Variants in ABI3BP observed in about 807,000 individuals in gnomAD.
The protein encoded by ABI3BP is ABI family member 3 binding protein.
A neutral mutation model predicts 268.6 loss-of-function variants in ABI3BP; 216 were observed. That is an observed-to-expected ratio of 0.80 (90% CI 0.72 to 0.90). ABI3BP has a LOEUF of 0.90. Among genes scored for constraint, ABI3BP ranks in the 40% least tolerant of loss-of-function variants. The pLI is 0.00. For synonymous variants in ABI3BP, 730 were observed against 730.0 expected (o/e 1.00, Z 0.00); for missense variants, 2,090 against 2,182.4 (o/e 0.96, Z 0.84).
At chr3:100,989,035 G>C (rs2092468662) in intron 1 of ABI3BP, among the ~76,000 whole-genome samples, 1 of 152,186 alleles carries the variant, frequency 6.6e-6, no homozygotes, top group African/African-American at 2.4e-5. Context: ...AGTATTAGGA[G>C]CTGAGACCTT....
At chr3:100,846,324 G>T in intron 20 of ABI3BP, 48 bp downstream of exon 20, 1 of 1,278,286 alleles carries the variant, frequency 7.8e-7, no homozygotes, top group Non-Finnish European at 1.1e-6. Flanking sequence ...CAAAGAACTT[G>T]TTTTCAACCC....
rs72928695 is a variant in ABI3BP at position 100,749,598 on chromosome 3, A to G, written c.*897T>C. The G allele has an allele frequency of 2.3e-3, 929 of 398,276 alleles. 9 individuals carry two copies. The highest frequency in any genetic ancestry group is 0.017 in the African/African-American group (841 of 48,660). 24.7% of individuals were successfully genotyped at this position (398,276 alleles called of 1,614,324 possible). A position where few individuals can be genotyped will look rare whatever the true frequency, so the allele number is the denominator to read the frequency against. The stretch of plus-strand genomic sequence containing the variant: ...GACATTCTCTGATACATTCATTCAT[A>G]GAGGTCTTAACGTATAAATACATAG... On this transcript the variant is annotated 3_prime_UTR_variant, in exon 68 of 68. Transcript: ENST00000471714.
chr3:100,815,112 C>T (rs1383786364), intron 44 of ABI3BP, among the ~76,000 whole-genome samples: 1 of 151,994 alleles, frequency 6.6e-6, no homozygotes, highest in Non-Finnish European at 1.5e-5. Context: ...TGGAATAACC[C>T]CTATTCATCC....
chr3:100,775,240 G>A lies in ABI3BP; in HGVS notation c.4429C>T (p.Gln1477Ter). ...PLERIETDIKQPTVPASGEEL... is the reference protein window; with the variant it reads ...PLERIETDIK ...TCTCCAGAGGCAGGAACTGTTGGTT[G>A]CTTTATATCTGTCTCTATTCTCTCC... Residue 1477 changes from glutamine to a stop codon, truncating the protein, a stop_gained, in exon 60 of 68, where the codon CAA (glutamine) becomes TAA (stop). Coordinates refer to ENST00000471714, the MANE Select transcript of ABI3BP (RefSeq NM_001375547.2). LOFTEE classifies it high-confidence loss of function. 1.9e-6 allele frequency: 3 copies of A among 1,612,116 alleles called. No homozygotes were observed. The highest frequency in any genetic ancestry group is 2.5e-6 in the Non-Finnish European group (3 of 1,179,110).
chr3:100,815,908 T>C lies in ABI3BP; in HGVS notation c.3289+4A>G, dbSNP rs1229909384. ...CATTTAATGCAAGTCACAAAAATCA[T>C]TACCAAATGTTGTTCCTGGAGCATC... On this transcript the variant is annotated splice_donor_region_variant and intron_variant, in intron 44 of 67. Transcript: ENST00000471714. The C allele has an allele frequency of 6.6e-7, 1 of 1,520,508 alleles. No homozygotes were observed. The highest frequency in any genetic ancestry group is 1.2e-5 in the South Asian group (1 of 80,480). The allele number at this position is 1,520,508 out of a possible 1,614,324, so 94.2% of individuals were successfully genotyped here.
At chr3:100,778,713 TAAC>T in intron 58 of ABI3BP, 2 of 236,762 alleles carry the variant, frequency 8.4e-6, no homozygotes, top group Non-Finnish European at 1.6e-5. Context: ...ACAATAAAAA[TAAC>T]AATACAACAA....
chr3:100,753,924 G>A, intron 64 of ABI3BP, 76 bp from the exon 65 acceptor site: 1 of 1,417,056 alleles, frequency 7.1e-7, no homozygotes, highest in Non-Finnish European at 9.8e-7. Flanking sequence ...TGAAGATGAT[G>A]GGGGCTTACA....
Position 100,770,868 on chromosome 3 carries a change from G to T in ABI3BP, c.4616C>A (p.Ala1539Asp), listed in dbSNP as rs771909888. 3 of 1,604,750 alleles carry T rather than the reference G, an allele frequency of 1.9e-6. No homozygotes were observed. The South Asian group carries it at 3.4e-5, about 18-fold the overall frequency. The part of the protein sequence containing the change: ...DSVKRFPKEE[A>D]TEGNATSPPQ... The stretch of plus-strand genomic sequence containing the variant: ...TGGGCTGGTGGCATTCCCCTCTGTG[G>T]CCTCCTCTTTGGGGAACCGTTTGAC... The change falls in exon 62 of 68, where the codon GCC becomes GAC. Residue 1539 changes from alanine (A) to aspartate (D), a missense_variant. Ala to Asp is a moderately radical substitution (Grantham distance 126). Transcript: ENST00000471714.
chr3:100,844,741 G>A (rs1163995306), intron 20 of ABI3BP, among the ~76,000 whole-genome samples: 4 of 152,198 alleles, frequency 2.6e-5, no homozygotes, highest in African/African-American at 7.2e-5. Flanking sequence ...ACAGGCCTAG[G>A]TGTGGATTCT....
chr3:100,794,447 G>A (rs2097284262), intron 54 of ABI3BP, among the ~76,000 whole-genome samples: 1 of 151,860 alleles, frequency 6.6e-6, no homozygotes, highest in Admixed American at 6.6e-5. Context: ...TTATAACCAA[G>A]TCCTGTCTTC....
At chr3:100,871,750 G>T (rs56318436) in intron 9 of ABI3BP, among the ~76,000 whole-genome samples, 3 of 152,034 alleles carry the variant, frequency 2.0e-5, no homozygotes, top group Non-Finnish European at 2.9e-5. Flanking sequence ...CCAGTCTCGG[G>T]TATATCTTTA....
At chr3:100,825,900 T>C in intron 34 of ABI3BP, 56 bp from the exon 35 acceptor site, 1 of 1,287,332 alleles carries the variant, frequency 7.8e-7, no homozygotes, top group Non-Finnish European at 1.1e-6. Context: ...AGCTATAGTA[T>C]TCACATCAAA....
intron 4 of ABI3BP, among the ~76,000 whole-genome samples, chr3:100,895,406 A>G (rs2047207985): frequency 6.6e-6 from 1 of 152,232 alleles, no homozygotes; most frequent in South Asian, 2.1e-4. Context: ...GCTAAAAACA[A>G]AACAAAAACA....
chr3:100,952,929 C>T (rs1310143698), intron 1 of ABI3BP, among the ~76,000 whole-genome samples: 1 of 152,070 alleles, frequency 6.6e-6, no homozygotes, highest in East Asian at 1.9e-4. Flanking sequence ...TATAAAATTC[C>T]ACCTAGCTCC....
intron 1 of ABI3BP, among the ~76,000 whole-genome samples, chr3:100,968,332 C>G (rs1277679368): frequency 1.3e-5 from 2 of 152,156 alleles, no homozygotes; most frequent in Non-Finnish European, 2.9e-5. Context: ...GGAAAGAGAA[C>G]AGGGATAATC....
At chr3:100,751,170 A>T (rs1050403796) in intron 67 of ABI3BP, among the ~76,000 whole-genome samples, 1 of 152,162 alleles carries the variant, frequency 6.6e-6, no homozygotes, top group Non-Finnish European at 1.5e-5. Flanking sequence ...CTTGCAAGGT[A>T]AGTACTATTT....
chr3:100,965,787 G>A (rs780112361), intron 1 of ABI3BP, among the ~76,000 whole-genome samples: 2 of 152,040 alleles, frequency 1.3e-5, no homozygotes, highest in African/African-American at 2.4e-5. Flanking sequence ...GCCAGATTGT[G>A]ACGTGATTTG....
intron 2 of ABI3BP, among the ~76,000 whole-genome samples, chr3:100,923,990 G>A (rs1361551327): frequency 6.6e-6 from 1 of 152,010 alleles, no homozygotes; most frequent in African/African-American, 2.4e-5. Context: ...GAAATACATA[G>A]TACCACCTGT....
chr3:100,991,207 T>C (rs925270109), intron 1 of ABI3BP, among the ~76,000 whole-genome samples: 1 of 152,204 alleles, frequency 6.6e-6, no homozygotes, highest in African/African-American at 2.4e-5. Context: ...ATATCTTTTC[T>C]AGCTCCAGAA....
Sources: gnomAD v4.1 joint callset for allele counts (sites outside exome capture counted in the v4.1 genomes callset) on GRCh38, gnomAD v4.1.1 for gene constraint, MANE v1.5 for transcripts, NCBI Gene and HGNC (gene_info 2026-07-23, HGNC 2026-07-21) for gene names.